Variants in RABGAP1 observed in about 807,000 individuals in gnomAD.
RABGAP1 encodes rab GTPase-activating protein 1.
A neutral mutation model predicts 137.6 loss-of-function variants in RABGAP1; 23 were observed. That is an observed-to-expected ratio of 0.17 (90% CI 0.12 to 0.24). The LOEUF is 0.24. Among genes scored for constraint, RABGAP1 ranks in the 10% least tolerant of loss-of-function variants. The pLI is 1.00. For synonymous variants in RABGAP1, 451 were observed against 450.7 expected (o/e 1.00, Z -0.01); for missense variants, 906 against 1,275.8 (o/e 0.71, Z 4.42).
intron 13 of RABGAP1, among the ~76,000 whole-genome samples, chr9:123,055,524 G>GC (rs1350363930): frequency 6.6e-6 from 1 of 150,564 alleles, no homozygotes; most frequent in Non-Finnish European, 1.5e-5. Flanking sequence ...GAGCCATCAT[G>GC]CCCAGCCAGA....
At chr9:123,082,528 CTG>C (rs940681564) in intron 19 of RABGAP1, among the ~76,000 whole-genome samples, 4 of 152,188 alleles carry the variant, frequency 2.6e-5, no homozygotes, top group African/African-American at 9.6e-5. Flanking sequence ...TTCTTCATGT[CTG>C]TATAGGCATT....
chr9:123,041,179 G>A (rs187232955), intron 13 of RABGAP1, among the ~76,000 whole-genome samples: 5 of 152,304 alleles, frequency 3.3e-5, no homozygotes, highest in Admixed American at 3.3e-4. Context: ...TTCCAACACT[G>A]TAAGAGCTAG....
intron 11 of RABGAP1, among the ~76,000 whole-genome samples, chr9:123,011,653 A>G (rs769087870): frequency 1.3e-5 from 2 of 152,188 alleles, no homozygotes; most frequent in Non-Finnish European, 2.9e-5. Flanking sequence ...TTGTTAACCT[A>G]ACTTTGCACA....
At chr9:123,093,969 T>C (rs2035106686) in intron 21 of RABGAP1, among the ~76,000 whole-genome samples, 1 of 152,224 alleles carries the variant, frequency 6.6e-6, no homozygotes. Context: ...CAATGTTTTT[T>C]AGTGTTCAAT....
chr9:123,001,835 G>C (rs1837337059), intron 10 of RABGAP1, among the ~76,000 whole-genome samples: 1 of 152,092 alleles, frequency 6.6e-6, no homozygotes, highest in Admixed American at 6.6e-5. Context: ...CTACGTATTT[G>C]CTGTTATTAT....
intron 19 of RABGAP1, among the ~76,000 whole-genome samples, chr9:123,085,260 G>A (rs138926017): frequency 6.9e-4 from 105 of 152,280 alleles, no homozygotes; most frequent in African/African-American, 2.4e-3. Flanking sequence ...CAGGCCTCAG[G>A]GGGCCCATGA....
intron 24 of RABGAP1, 94 bp from the exon 25 acceptor site, chr9:123,101,472 G>A: frequency 8.3e-7 from 1 of 1,206,496 alleles, no homozygotes; most frequent in South Asian, 1.7e-5. Context: ...CAACAGAGAA[G>A]CCGTCTCTTG....
intron 10 of RABGAP1, among the ~76,000 whole-genome samples, chr9:123,003,689 T>C (rs1026506928): frequency 3.3e-5 from 5 of 152,188 alleles, no homozygotes; most frequent in African/African-American, 4.8e-5. Flanking sequence ...GAGACTGTTA[T>C]ATTAAGATAG....
intron 13 of RABGAP1, among the ~76,000 whole-genome samples, chr9:123,037,204 A>C (rs1037257661): frequency 4.6e-5 from 7 of 152,232 alleles, no homozygotes; most frequent in African/African-American, 1.7e-4. Flanking sequence ...TTTATAAAGC[A>C]GGCAGATAAG....
chr9:123,052,180 T>C (rs1453112379), intron 13 of RABGAP1, among the ~76,000 whole-genome samples: 2 of 152,180 alleles, frequency 1.3e-5, no homozygotes, highest in Admixed American at 6.5e-5. Context: ...ATTTTCACTT[T>C]TACAATATGT....
chr9:123,004,197 A>T (rs2029986736), intron 10 of RABGAP1, among the ~76,000 whole-genome samples: 2 of 152,132 alleles, frequency 1.3e-5, no homozygotes, highest in African/African-American at 2.4e-5. Context: ...TGACCACTGG[A>T]TCTCTCCTTT....
chr9:122,996,869 AAG>A (rs1281618910), intron 8 of RABGAP1: 2 of 448,828 alleles, frequency 4.5e-6, no homozygotes, highest in Admixed American at 7.2e-5. Flanking sequence ...TGATAATCAA[AAG>A]AGAAAATTTA....
At chr9:122,997,147 C>G in intron 8 of RABGAP1, 112 bp from the exon 9 acceptor site, 1 of 719,530 alleles carries the variant, frequency 1.4e-6, no homozygotes, top group East Asian at 2.7e-5. Context: ...CACTTATCCT[C>G]TTCCATATTC....
chr9:123,068,166 A>C (rs188046458), intron 14 of RABGAP1, among the ~76,000 whole-genome samples: 4 of 152,192 alleles, frequency 2.6e-5, no homozygotes, highest in Admixed American at 2.6e-4. Flanking sequence ...CCTGGCCAAC[A>C]TGATGAAACC....
At chr9:123,056,080 G>A (rs187740471) in intron 13 of RABGAP1, among the ~76,000 whole-genome samples, 1 of 152,312 alleles carries the variant, frequency 6.6e-6, no homozygotes, top group East Asian at 1.9e-4. Context: ...ATTTCTCCAA[G>A]GAGGGTTGGT....
chr9:122,998,542 C>T (rs1837156321), intron 9 of RABGAP1, 55 bp from the exon 10 acceptor site: 1 of 1,281,246 alleles, frequency 7.8e-7, no homozygotes, highest in Non-Finnish European at 1.0e-6. Flanking sequence ...ATCTTATGAG[C>T]AAATATATTT....
chr9:123,002,889 A>G (rs1837403305), intron 10 of RABGAP1, among the ~76,000 whole-genome samples: 1 of 152,130 alleles, frequency 6.6e-6, no homozygotes. Flanking sequence ...CCGAGTTTTC[A>G]CTGTTTTCTT....
At chr9:123,079,078 T>C (rs1005707237) in intron 19 of RABGAP1, among the ~76,000 whole-genome samples, 2 of 152,222 alleles carry the variant, frequency 1.3e-5, no homozygotes, top group African/African-American at 4.8e-5. Flanking sequence ...CACTGAGATA[T>C]TGTGTGTAAA....
chr9:122,984,688 G>A lies in RABGAP1; in HGVS notation c.354G>A (p.Glu118=). ...CATTAGTAGGGCTCCAAAAACCAGA[G>A]ATGAGCCTACCAGTGAAACCTGGAC... is the stretch of plus-strand genomic sequence containing the variant. ...PVPLVGLQKP[E]MSLPVKPGQG... is the part of the protein sequence containing the mutation. The change falls in exon 3 of 26, where the codon GAG becomes GAA. Residue 118 remains glutamate (E), a synonymous_variant. Coordinates refer to ENST00000373647, the MANE Select transcript of RABGAP1 (RefSeq NM_012197.4). 1 of 1,614,154 alleles carries A rather than the reference G, an allele frequency of 6.2e-7. No individual in the cohort carries two copies.
Sources: allele counts gnomAD v4.1 joint callset (sites outside exome capture counted in the v4.1 genomes callset), GRCh38; gene constraint gnomAD v4.1.1; transcripts MANE v1.5; gene names NCBI Gene and HGNC (gene_info 2026-07-23, HGNC 2026-07-21).